Variants in USH2A observed in about 807,000 individuals in gnomAD.
USH2A encodes usherin.
In USH2A, 443 loss-of-function variants were observed where a neutral mutation model predicts 538.9. The observed-to-expected ratio is 0.82, with a 90% confidence interval of 0.76 to 0.89. USH2A has a LOEUF of 0.89. Ranked by LOEUF, USH2A falls within the 40% of genes least tolerant of loss-of-function variation. USH2A has a pLI of 0.00. For missense variants in USH2A, 6,633 were observed against 6,324.8 expected (o/e 1.05, Z -1.65); for synonymous variants, 2,413 against 2,273.5 (o/e 1.06, Z -1.75).
At chr1:215,941,984 T>C (rs561533012) in intron 37 of USH2A, among the ~76,000 whole-genome samples, 21 of 152,268 alleles carry the variant, frequency 1.4e-4, no homozygotes, top group African/African-American at 4.1e-4. Flanking sequence ...TCTCATAGTT[T>C]CTGTGAGTCA....
chr1:216,159,537 TACAC>T (rs60343349), intron 21 of USH2A, among the ~76,000 whole-genome samples: 9,076 of 146,724 alleles, frequency 0.062, 361 homozygotes, highest in Middle Eastern at 0.12. Flanking sequence ...TTTATTTATG[TACAC>T]ACACACACAC....
At chr1:216,070,875 G>T (rs1348804865) in intron 29 of USH2A, among the ~76,000 whole-genome samples, 4 of 151,484 alleles carry the variant, frequency 2.6e-5, no homozygotes, top group Non-Finnish European at 5.9e-5. Context: ...GTGGGGTAAA[G>T]GAGCTGGTGC....
intron 61 of USH2A, among the ~76,000 whole-genome samples, chr1:215,692,548 T>C (rs148824843): frequency 6.6e-5 from 10 of 152,242 alleles, no homozygotes; most frequent in Middle Eastern, 6.8e-3. Flanking sequence ...ATGGGTGTGC[T>C]CAGGCCTCAG....
At chr1:216,125,939 C>T (rs933420499) in intron 21 of USH2A, among the ~76,000 whole-genome samples, 4 of 152,184 alleles carry the variant, frequency 2.6e-5, no homozygotes, top group African/African-American at 9.7e-5. Context: ...TATAAGACAG[C>T]TGCCAATTTA....
At chr1:216,019,434 G>GA (rs768293244) in intron 32 of USH2A, among the ~76,000 whole-genome samples, 1 of 152,166 alleles carries the variant, frequency 6.6e-6, no homozygotes, top group African/African-American at 2.4e-5. Flanking sequence ...TGCAATGGAT[G>GA]ATAAAAATGG....
At chr1:215,803,396 C>T (rs1662399438) in intron 49 of USH2A, among the ~76,000 whole-genome samples, 4 of 152,120 alleles carry the variant, frequency 2.6e-5, no homozygotes, top group Admixed American at 2.6e-4. Flanking sequence ...ATCATCTCAG[C>T]CCAAAATCTC....
intron 47 of USH2A, among the ~76,000 whole-genome samples, chr1:215,818,407 T>C (rs1390965937): frequency 6.6e-6 from 1 of 151,898 alleles, no homozygotes; most frequent in Admixed American, 6.6e-5. Context: ...ATAGATTCTT[T>C]TTTTTTTCAA....
chr1:216,244,186 C>A (rs572734834), intron 13 of USH2A, among the ~76,000 whole-genome samples: 3 of 151,960 alleles, frequency 2.0e-5, no homozygotes, highest in African/African-American at 7.3e-5. Flanking sequence ...CATTCCATGT[C>A]GGGAAAGGAG....
rs2102483177 is a variant in USH2A, at chr1:216,000,436, AG to A, written c.6451del (p.Leu2151Ter). ...TATAGTTCTAGAATCCAGGACAGTC[AG>A]AACTGGGGAATCCACGTGTTCTGGT... ...LPPEHVDSPV[L>X]TVLDSRTIHI... On this transcript the variant is annotated frameshift_variant, in exon 33 of 72. Coordinates refer to ENST00000307340, the MANE Select transcript of USH2A (RefSeq NM_206933.4). LOFTEE classifies it high-confidence loss of function. The A allele has an allele frequency of 6.2e-7, 1 of 1,613,710 alleles. No individual in the cohort carries two copies. The highest frequency in any genetic ancestry group is 1.1e-5 in the South Asian group (1 of 91,086).
chr1:215,805,198 T>C (rs948252091), intron 49 of USH2A, among the ~76,000 whole-genome samples: 8 of 152,094 alleles, frequency 5.3e-5, no homozygotes, highest in African/African-American at 1.9e-4. Context: ...GACGAGTTAA[T>C]GGGTGCAACA....
intron 4 of USH2A, among the ~76,000 whole-genome samples, chr1:216,336,159 C>A (rs939644575): frequency 2.0e-5 from 3 of 151,266 alleles, no homozygotes; most frequent in Admixed American, 1.3e-4. Context: ...AAATAAAGGA[C>A]AAAAACGTCA....
intron 35 of USH2A, among the ~76,000 whole-genome samples, chr1:215,974,973 C>T (rs780459762): frequency 2.6e-5 from 4 of 152,132 alleles, no homozygotes; most frequent in Non-Finnish European, 2.9e-5. Context: ...AAGCATTCAA[C>T]CCTTTTCTTT....
rs140015321 is a variant in USH2A, at chr1:215,900,150, T to C, written c.7519A>G (p.Met2507Val). ...VSDLQPYTEY[M>V]FRLVASNGFG... ...CCATTGGAGGCAACCAACCGAAACA[T>C]ATACTCTGTGTACGGTTGGAGATCA... is the stretch of plus-strand genomic sequence containing the variant. The change falls in exon 40 of 72, where the codon ATG becomes GTG. Residue 2507 changes from methionine to valine, a missense_variant. Met to Val is a conservative substitution (Grantham distance 21). Coordinates refer to ENST00000307340, the MANE Select transcript of USH2A (RefSeq NM_206933.4). 1 of 1,613,624 alleles carries C rather than the reference T, an allele frequency of 6.2e-7. No homozygotes were observed. Among genetic ancestry groups the C allele is most frequent in the African/African-American group, 1.3e-5 (1 of 74,890 alleles).
In USH2A at chr1:216,196,647, G is replaced by T; in HGVS notation, c.4157C>A (p.Ala1386Glu). 1 of 1,613,486 alleles carries T rather than the reference G, an allele frequency of 6.2e-7. No homozygotes were observed. ...AACTTTTCCTCTTGTAACATTATCT[G>T]CTGGCTTCTCCCAGGAGATATTGAG... ...YSLNISWEKP[A>E]DNVTRGKVVG... The change falls in exon 19 of 72, where the codon GCA (alanine) becomes GAA (glutamate). Residue 1386 changes from alanine (A) to glutamate (E), a missense_variant. Ala to Glu is a moderately radical substitution (Grantham distance 107). Transcript: ENST00000307340.
At chr1:216,260,568 A>G (rs1227534541) in intron 11 of USH2A, among the ~76,000 whole-genome samples, 1 of 152,166 alleles carries the variant, frequency 6.6e-6, no homozygotes, top group Non-Finnish European at 1.5e-5. Flanking sequence ...CCCTCACAAC[A>G]AATTACCCAG....
intron 21 of USH2A, among the ~76,000 whole-genome samples, chr1:216,149,598 G>A (rs1165968936): frequency 6.6e-6 from 1 of 152,040 alleles, no homozygotes; most frequent in Non-Finnish European, 1.5e-5. Flanking sequence ...ACTTTTATAT[G>A]GACGCACTTT....
At chr1:216,378,345 G>A (rs1045092860) in intron 3 of USH2A, among the ~76,000 whole-genome samples, 1 of 152,062 alleles carries the variant, frequency 6.6e-6, no homozygotes, top group Non-Finnish European at 1.5e-5. Flanking sequence ...TTACAGCAAT[G>A]GACATTTCTA....
At chr1:215,888,282 C>A in intron 41 of USH2A, 144 bp downstream of exon 41, 1 of 1,278,508 alleles carries the variant, frequency 7.8e-7, no homozygotes, top group Non-Finnish European at 1.1e-6. Context: ...ATAGTTTGGG[C>A]CAAAGGCCAA....
chr1:216,107,323 T>C (rs887024740), intron 21 of USH2A, among the ~76,000 whole-genome samples: 4 of 151,842 alleles, frequency 2.6e-5, no homozygotes, highest in Non-Finnish European at 5.9e-5. Context: ...TTACTACATA[T>C]AAGCACATTT....
Sources: gnomAD v4.1 joint callset for allele counts (sites outside exome capture counted in the v4.1 genomes callset) on GRCh38, gnomAD v4.1.1 for gene constraint, MANE v1.5 for transcripts, NCBI Gene and HGNC (gene_info 2026-07-23, HGNC 2026-07-21) for gene names.